DPP10: variants seen among roughly 807,000 people sequenced by gnomAD.
DPP10 encodes the protein dipeptidyl peptidase like 10.
In DPP10, 33 loss-of-function variants were observed where a neutral mutation model predicts 120.9. The ratio of observed to expected loss-of-function variants is 0.27; its 90% CI spans 0.21 to 0.37. The LOEUF (loss-of-function observed/expected upper bound fraction) is 0.37. Among genes scored for constraint, DPP10 ranks in the 10% least tolerant of loss-of-function variants. DPP10 has a pLI of 1.00. For synonymous variants in DPP10, 337 were observed against 326.1 expected (o/e 1.03, Z -0.36); for missense variants, 816 against 942.8 (o/e 0.87, Z 1.76).
intron 17 of DPP10, among the ~76,000 whole-genome samples, chr2:115,787,578 C>T (rs1683480036): frequency 6.6e-6 from 1 of 152,016 alleles, no homozygotes; most frequent in African/African-American, 2.4e-5. Context: ...GAAAGTAGAA[C>T]CTAAATTAAC....
intron 5 of DPP10, among the ~76,000 whole-genome samples, chr2:115,623,096 C>T (rs1003281912): frequency 2.0e-5 from 3 of 152,124 alleles, no homozygotes; most frequent in East Asian, 1.9e-4. Context: ...CCGCCCGCCT[C>T]GGCCTCCCAA....
intron 3 of DPP10, among the ~76,000 whole-genome samples, chr2:115,424,373 C>T (rs1323065028): frequency 6.6e-6 from 1 of 151,706 alleles, no homozygotes; most frequent in East Asian, 1.9e-4. Context: ...AGAATGTATC[C>T]TAATGACTTT....
At chr2:115,798,336 A>G (rs922384986) in intron 19 of DPP10, among the ~76,000 whole-genome samples, 1 of 152,084 alleles carries the variant, frequency 6.6e-6, no homozygotes, top group Non-Finnish European at 1.5e-5. Context: ...TAACTATATT[A>G]TTAGTTTAAC....
Position 114,879,900 on chromosome 2 carries a change from C to T in DPP10, c.61-429339C>T, listed in dbSNP as rs118001917. 2.3e-4 allele frequency among the ~76,000 whole-genome samples: 35 copies of T among 152,126 alleles called. No individual in the cohort carries two copies. The East Asian group carries it at 5.8e-3, about 25-fold the overall frequency. ...GGAACTTTTGAATTAGGCAGGAGAA[C>T]CTGCTCAGTAATTTAGAGAATTTAG... On this transcript the variant is annotated intron_variant, in intron 1 of 25. Transcript: ENST00000410059.
At chr2:115,486,303 G>A (rs1034086023) in intron 3 of DPP10, among the ~76,000 whole-genome samples, 7 of 152,048 alleles carry the variant, frequency 4.6e-5, no homozygotes, top group African/African-American at 1.4e-4. Context: ...CAACTGAAAT[G>A]CTAATGAGAA....
intron 1 of DPP10, among the ~76,000 whole-genome samples, chr2:114,538,238 T>G (rs1352978077): frequency 6.6e-6 from 1 of 152,198 alleles, no homozygotes; most frequent in Non-Finnish European, 1.5e-5. Context: ...ATCCAAGGGA[T>G]GTGTTTGCTC....
chr2:115,208,281 C>T (rs973545032), intron 1 of DPP10, among the ~76,000 whole-genome samples: 21 of 149,806 alleles, frequency 1.4e-4, no homozygotes, highest in African/African-American at 4.9e-4. Context: ...CTCACTGCAA[C>T]CTCTGCCTCC....
At chr2:115,048,393 A>G (rs1705221415) in intron 1 of DPP10, among the ~76,000 whole-genome samples, 1 of 152,104 alleles carries the variant, frequency 6.6e-6, no homozygotes, top group Non-Finnish European at 1.5e-5. Context: ...TTGTTAATCT[A>G]TAACTTAGCT....
At chr2:114,721,417 A>G (rs938618196) in intron 1 of DPP10, among the ~76,000 whole-genome samples, 2 of 152,158 alleles carry the variant, frequency 1.3e-5, no homozygotes, top group African/African-American at 4.8e-5. Context: ...CTATGTGCAA[A>G]TCTTTATCCT....
intron 1 of DPP10, among the ~76,000 whole-genome samples, chr2:115,294,614 A>C (rs1355834961): frequency 6.6e-6 from 1 of 152,086 alleles, no homozygotes; most frequent in Non-Finnish European, 1.5e-5. Context: ...GAAAACTAGA[A>C]CAAAATGAAA....
chr2:115,337,441 AGCTT>A (rs1410990026), intron 2 of DPP10, among the ~76,000 whole-genome samples: 2 of 152,090 alleles, frequency 1.3e-5, no homozygotes, highest in East Asian at 3.9e-4. Context: ...GAGATAGTAT[AGCTT>A]AATGAAGAAA....
At chr2:114,643,559 T>C (rs1695874765) in intron 1 of DPP10, among the ~76,000 whole-genome samples, 1 of 151,884 alleles carries the variant, frequency 6.6e-6, no homozygotes, top group South Asian at 2.1e-4. Flanking sequence ...AGTCCTCCTT[T>C]AAGGTGAGGG....
chr2:115,534,662 T>A (rs1253501000), intron 5 of DPP10, among the ~76,000 whole-genome samples: 1 of 151,700 alleles, frequency 6.6e-6, no homozygotes, highest in Non-Finnish European at 1.5e-5. Flanking sequence ...TATTTCTAGT[T>A]CTAGATCCCT....
At chr2:114,799,228 C>T (rs6542225) in intron 1 of DPP10, among the ~76,000 whole-genome samples, 92,871 of 152,070 alleles carry the variant, frequency 0.61, 28,579 homozygotes, top group East Asian at 0.78. Flanking sequence ...ATTATCTCTC[C>T]TTCCTAAAGT....
chr2:114,563,749 A>G (rs993397498), intron 1 of DPP10, among the ~76,000 whole-genome samples: 1 of 152,154 alleles, frequency 6.6e-6, no homozygotes, highest in African/African-American at 2.4e-5. Context: ...TTTGCAGCAC[A>G]CTTCAGGAGG....
chr2:115,245,012 G>A (rs191485640), intron 1 of DPP10, among the ~76,000 whole-genome samples: 41 of 151,798 alleles, frequency 2.7e-4, no homozygotes, highest in African/African-American at 9.9e-4. Context: ...CCTTCCCCCC[G>A]AGTCTCCAAA....
chr2:114,706,877 A>AG (rs1476811291), intron 1 of DPP10, among the ~76,000 whole-genome samples: 4 of 152,170 alleles, frequency 2.6e-5, no homozygotes, highest in Admixed American at 1.3e-4. Flanking sequence ...TCTCCCAAGG[A>AG]GGGGGATGTG....
At chr2:115,374,281 CCCATT>C (rs2065625858) in intron 3 of DPP10, among the ~76,000 whole-genome samples, 1 of 152,176 alleles carries the variant, frequency 6.6e-6, no homozygotes, top group Non-Finnish European at 1.5e-5. Context: ...TGCAAATACT[CCCATT>C]CCAAGTGGGA....
intron 1 of DPP10, among the ~76,000 whole-genome samples, chr2:114,708,989 C>G (rs1383701274): frequency 6.6e-6 from 1 of 152,188 alleles, no homozygotes; most frequent in Non-Finnish European, 1.5e-5. Context: ...CTCCTGGCCT[C>G]AAGGGACCCA....
Sources: allele counts gnomAD v4.1 joint callset (sites outside exome capture counted in the v4.1 genomes callset), GRCh38; gene constraint gnomAD v4.1.1; transcripts MANE v1.5; gene names NCBI Gene and HGNC (gene_info 2026-07-23, HGNC 2026-07-21).